Variants in LRRC4C observed in about 807,000 individuals in gnomAD.
LRRC4C encodes the protein leucine rich repeat containing 4C, also known as leucine-rich repeat-containing protein 4C.
LRRC4C carries 5 observed loss-of-function variants against 33.6 expected under a neutral mutation model. The ratio of observed to expected loss-of-function variants is 0.15; its 90% CI spans 0.08 to 0.31. The LOEUF (loss-of-function observed/expected upper bound fraction) is 0.31, where lower values mean the gene tolerates loss of function less well. Ranked by LOEUF, LRRC4C falls within the 10% of genes least tolerant of loss-of-function variation. The probability of loss-of-function intolerance (pLI) is 1.00; values close to 1 mark genes in which losing one functional copy is unlikely to be tolerated. For missense variants in LRRC4C, 560 were observed against 796.7 expected, an observed-to-expected ratio of 0.70 and a Z score of 3.58; for synonymous variants, 329 against 302.0, an observed-to-expected ratio of 1.09 and a Z score of -0.93.
chr11:41,364,366 T>C (rs887129881), intron 1 of LRRC4C, among the ~76,000 whole-genome samples: 19 of 152,156 alleles, frequency 1.2e-4, no homozygotes, highest in African/African-American at 4.6e-4. Flanking sequence ...CCAACCTCCA[T>C]CTCCCAGGTT....
intron 3 of LRRC4C, among the ~76,000 whole-genome samples, chr11:40,472,200 A>C (rs1952977599): frequency 6.6e-6 from 1 of 151,878 alleles, no homozygotes. Context: ...GACTGGCGTG[A>C]ACCTGGGAGG....
intron 2 of LRRC4C, among the ~76,000 whole-genome samples, chr11:40,651,561 G>A (rs1942803550): frequency 6.6e-6 from 1 of 152,074 alleles, no homozygotes; most frequent in South Asian, 2.1e-4. Context: ...CTATAAGCTA[G>A]GTACCAGTTA....
At chr11:41,340,015 A>C (rs1951578122) in intron 1 of LRRC4C, among the ~76,000 whole-genome samples, 1 of 152,198 alleles carries the variant, frequency 6.6e-6, no homozygotes, top group African/African-American at 2.4e-5. Flanking sequence ...ATATTTCCTA[A>C]ATATTTGTTA....
At chr11:40,837,328 CCAGGAA>C (rs1468559504) in intron 2 of LRRC4C, among the ~76,000 whole-genome samples, 2 of 151,830 alleles carry the variant, frequency 1.3e-5, no homozygotes, top group Non-Finnish European at 2.9e-5. Context: ...TTTATGATGT[CCAGGAA>C]ATTGCATAAT....
chr11:40,732,605 A>G (rs974211271), intron 2 of LRRC4C, among the ~76,000 whole-genome samples: 2 of 152,234 alleles, frequency 1.3e-5, no homozygotes, highest in African/African-American at 4.8e-5. Flanking sequence ...ATAGTGTGAT[A>G]TCTATTCTAT....
At chr11:40,284,977 C>A (rs1458946266) in intron 4 of LRRC4C, among the ~76,000 whole-genome samples, 1 of 152,092 alleles carries the variant, frequency 6.6e-6, no homozygotes, top group Non-Finnish European at 1.5e-5. Flanking sequence ...TGGTTTCGGG[C>A]ATCCACTGGG....
chr11:40,464,737 T>A (rs1417321416), intron 3 of LRRC4C, among the ~76,000 whole-genome samples: 1 of 151,312 alleles, frequency 6.6e-6, no homozygotes. Context: ...TAGCTACCAG[T>A]AAACAAATAA....
chr11:40,247,275 A>C (rs1866417962), intron 4 of LRRC4C, among the ~76,000 whole-genome samples: 1 of 152,118 alleles, frequency 6.6e-6, no homozygotes, highest in South Asian at 2.1e-4. Flanking sequence ...TTATCTGCCC[A>C]CAGCACTTAG....
rs151122216 is a variant in LRRC4C, at chr11:40,177,156, T to C, written c.-95-36303A>G. ...CTTTAGAGGAGACGGGGTTTCATTGTGTTAGCCAGGATGGTCTTGATCTCC... is the reference window on the plus strand; with the variant it reads ...CTTTAGAGGAGACGGGGTTTCATTGCGTTAGCCAGGATGGTCTTGATCTCC... On this transcript the variant is annotated intron_variant, in intron 5 of 6. Coordinates refer to ENST00000528697, the MANE Select transcript of LRRC4C (RefSeq NM_001258419.2). Among the ~76,000 whole-genome samples the C allele has an allele frequency of 7.4e-3, 1,124 of 152,142 alleles. 17 individuals are homozygous for C. Among genetic ancestry groups the C allele is most frequent in the African/African-American group, 0.026 (1,068 of 41,520 alleles).
At chr11:40,954,167 TA>T (rs1958844358) in intron 1 of LRRC4C, among the ~76,000 whole-genome samples, 1 of 151,906 alleles carries the variant, frequency 6.6e-6, no homozygotes, top group African/African-American at 2.4e-5. Context: ...AGAAATTTTC[TA>T]CTATGCATCC....
chr11:40,906,040 C>A (rs1956400966), intron 2 of LRRC4C, among the ~76,000 whole-genome samples: 1 of 152,192 alleles, frequency 6.6e-6, no homozygotes, highest in South Asian at 2.1e-4. Context: ...GCCACAGCCA[C>A]TCCAACCTTC....
chr11:41,154,900 C>T (rs549534704), intron 1 of LRRC4C, among the ~76,000 whole-genome samples: 34 of 152,086 alleles, frequency 2.2e-4, no homozygotes, highest in African/African-American at 7.7e-4. Context: ...TAGAGTGGTA[C>T]GATTATTTTG....
chr11:40,780,806 G>A (rs575618740), intron 2 of LRRC4C, among the ~76,000 whole-genome samples: 2 of 150,252 alleles, frequency 1.3e-5, no homozygotes, highest in South Asian at 4.2e-4. Flanking sequence ...TTTTTAATAC[G>A]AGGAAGGATA....
intron 1 of LRRC4C, among the ~76,000 whole-genome samples, chr11:41,337,247 T>G (rs578136785): frequency 6.6e-6 from 1 of 152,130 alleles, no homozygotes; most frequent in Admixed American, 6.5e-5. Flanking sequence ...GATCTTGCTA[T>G]GTTGTCCAGG....
intron 3 of LRRC4C, among the ~76,000 whole-genome samples, chr11:40,606,719 T>C (rs1048678731): frequency 2.0e-5 from 3 of 151,778 alleles, no homozygotes; most frequent in Non-Finnish European, 4.4e-5. Flanking sequence ...AGGAATACAA[T>C]CACTGAAACG....
intron 3 of LRRC4C, among the ~76,000 whole-genome samples, chr11:40,534,020 G>C (rs1319704994): frequency 6.6e-6 from 1 of 152,162 alleles, no homozygotes; most frequent in Non-Finnish European, 1.5e-5. Context: ...ATGTGCTAAT[G>C]ATTTAGGAAC....
chr11:40,558,447 C>A (rs1957414789), intron 3 of LRRC4C, among the ~76,000 whole-genome samples: 1 of 152,122 alleles, frequency 6.6e-6, no homozygotes, highest in Admixed American at 6.5e-5. Flanking sequence ...ATATCCAGAC[C>A]AAGCACCTTC....
intron 1 of LRRC4C, among the ~76,000 whole-genome samples, chr11:41,027,143 T>C (rs542006874): frequency 2.7e-4 from 41 of 151,656 alleles, no homozygotes; most frequent in Non-Finnish European, 2.7e-4. Flanking sequence ...ATTCTATTTG[T>C]CTCTAATTAT....
chr11:41,190,183 C>T (rs1945878872), intron 1 of LRRC4C, among the ~76,000 whole-genome samples: 1 of 152,058 alleles, frequency 6.6e-6, no homozygotes, highest in Non-Finnish European at 1.5e-5. Context: ...GTAGAGAGGT[C>T]TACTTATGCT....
Sources: allele counts gnomAD v4.1 joint callset (sites outside exome capture counted in the v4.1 genomes callset), GRCh38; gene constraint gnomAD v4.1.1; transcripts MANE v1.5; gene names NCBI Gene and HGNC (gene_info 2026-07-23, HGNC 2026-07-21).